Variants in KCNH7 observed in about 807,000 individuals in gnomAD.
KCNH7 encodes the protein potassium voltage-gated channel subfamily H member 7.
A neutral mutation model predicts 120.8 loss-of-function variants in KCNH7; 49 were observed. That is an observed-to-expected ratio of 0.41 (90% CI 0.32 to 0.51). The LOEUF (loss-of-function observed/expected upper bound fraction) is 0.51, where lower values mean the gene tolerates loss of function less well. Among genes scored for constraint, KCNH7 ranks in the 20% least tolerant of loss-of-function variants. The pLI is 0.38. For missense variants in KCNH7, 1,097 were observed against 1,446.6 expected, an observed-to-expected ratio of 0.76 and a Z score of 3.92; for synonymous variants, 547 against 516.1, an observed-to-expected ratio of 1.06 and a Z score of -0.81.
chr2:162,577,283 A>ATCTATCTG (rs1239421929), intron 2 of KCNH7, among the ~76,000 whole-genome samples: 40 of 121,504 alleles, frequency 3.3e-4, no homozygotes, highest in African/African-American at 1.2e-3. Flanking sequence ...TAACAGATAG[A>ATCTATCTG]TCTATCTGTC....
At chr2:162,683,648 C>G (rs887797185) in intron 2 of KCNH7, among the ~76,000 whole-genome samples, 19 of 151,826 alleles carry the variant, frequency 1.3e-4, no homozygotes, top group African/African-American at 4.1e-4. Flanking sequence ...TTTATTTAGA[C>G]ATCATGTTTC....
intron 2 of KCNH7, among the ~76,000 whole-genome samples, chr2:162,703,032 C>T (rs770556479): frequency 2.6e-4 from 39 of 151,944 alleles, no homozygotes; most frequent in Non-Finnish European, 5.0e-4. Context: ...TCAGGAAGGC[C>T]GCAAAGACCT....
chr2:162,423,187 T>A, intron 9 of KCNH7, 149 bp downstream of exon 9: 1 of 1,513,656 alleles, frequency 6.6e-7, no homozygotes, highest in Non-Finnish European at 8.9e-7. Flanking sequence ...GAATTGAGAA[T>A]GAGAGACTAT....
At chr2:162,656,026 A>G (rs1200063163) in intron 2 of KCNH7, among the ~76,000 whole-genome samples, 2 of 152,210 alleles carry the variant, frequency 1.3e-5, no homozygotes, top group African/African-American at 2.4e-5. Flanking sequence ...TACATCTACA[A>G]TCACTTAAAA....
chr2:162,591,936 T>C lies in KCNH7; in HGVS notation c.308-54856A>G, dbSNP rs537619643. On this transcript the variant is annotated intron_variant, in intron 2 of 15. Transcript: ENST00000332142. ...CAGGCAGCTTGTTATATATGTCCAGTTAGTAACTTTCTGAGAAAAATTTTT... is the reference window on the plus strand; with the variant it reads ...CAGGCAGCTTGTTATATATGTCCAGCTAGTAACTTTCTGAGAAAAATTTTT... Among the ~76,000 whole-genome samples the C allele has an allele frequency of 2.0e-5, 3 of 152,194 alleles. No homozygotes were observed. The East Asian group carries it at 5.8e-4, about 30-fold the overall frequency.
intron 2 of KCNH7, among the ~76,000 whole-genome samples, chr2:162,596,311 A>G (rs1678220870): frequency 6.6e-6 from 1 of 152,062 alleles, no homozygotes; most frequent in South Asian, 2.1e-4. Flanking sequence ...ACATATTACC[A>G]AGTTATAGCA....
intron 2 of KCNH7, among the ~76,000 whole-genome samples, chr2:162,680,568 G>T (rs1368879068): frequency 6.6e-6 from 1 of 151,626 alleles, no homozygotes; most frequent in Non-Finnish European, 1.5e-5. Context: ...AGTAACTAGG[G>T]GTTACAGCAG....
intron 6 of KCNH7, among the ~76,000 whole-genome samples, chr2:162,457,313 ATTTTC>A (rs775490791): frequency 6.6e-6 from 1 of 152,050 alleles, no homozygotes; most frequent in Non-Finnish European, 1.5e-5. Context: ...TATTACGAGG[ATTTTC>A]TTTTAAGAGA....
intron 13 of KCNH7, among the ~76,000 whole-genome samples, chr2:162,383,696 G>A (rs1686491795): frequency 6.6e-6 from 1 of 151,676 alleles, no homozygotes; most frequent in African/African-American, 2.4e-5. Context: ...GCTTTATTAT[G>A]CCTTCCTAAT....
intron 2 of KCNH7, among the ~76,000 whole-genome samples, chr2:162,747,482 T>G (rs1262867144): frequency 1.3e-5 from 2 of 152,180 alleles, no homozygotes; most frequent in Non-Finnish European, 2.9e-5. Context: ...TATTGCTTCT[T>G]GTTGATGTGT....
intron 2 of KCNH7, among the ~76,000 whole-genome samples, chr2:162,729,710 TG>T (rs1156805262): frequency 1.3e-5 from 2 of 152,174 alleles, no homozygotes; most frequent in African/African-American, 4.8e-5. Flanking sequence ...ATTTTCATTT[TG>T]GGGGGAAGTA....
At chr2:162,776,452 A>C (rs1217902983) in intron 2 of KCNH7, among the ~76,000 whole-genome samples, 2 of 152,158 alleles carry the variant, frequency 1.3e-5, no homozygotes, top group South Asian at 2.1e-4. Flanking sequence ...ATTTTGGGCC[A>C]AATATAAGTC....
chr2:162,505,561 T>G (rs1690844686), intron 5 of KCNH7, among the ~76,000 whole-genome samples: 1 of 151,938 alleles, frequency 6.6e-6, no homozygotes, highest in Non-Finnish European at 1.5e-5. Flanking sequence ...ACCAGCTGTA[T>G]CTTCCTTTGG....
intron 6 of KCNH7, among the ~76,000 whole-genome samples, chr2:162,495,913 C>T (rs1043025623): frequency 3.2e-4 from 49 of 152,140 alleles, no homozygotes; most frequent in African/African-American, 1.2e-3. Flanking sequence ...CAAATCTTAG[C>T]AGGGATAACT....
intron 2 of KCNH7, among the ~76,000 whole-genome samples, chr2:162,729,795 C>T (rs1049642979): frequency 3.9e-5 from 6 of 152,010 alleles, no homozygotes; most frequent in Non-Finnish European, 7.4e-5. Flanking sequence ...TGAGAAAATA[C>T]TGTTTTATTG....
intron 2 of KCNH7, among the ~76,000 whole-genome samples, chr2:162,659,792 T>C (rs1684897014): frequency 6.6e-6 from 1 of 152,210 alleles, no homozygotes; most frequent in Non-Finnish European, 1.5e-5. Context: ...AGGGTAATGA[T>C]GGCTTCATAG....
intron 8 of KCNH7, among the ~76,000 whole-genome samples, chr2:162,428,760 T>C (rs1386574928): frequency 6.6e-6 from 1 of 151,890 alleles, no homozygotes; most frequent in African/African-American, 2.4e-5. Flanking sequence ...TATTTGTCTA[T>C]TTTATCTTTG....
At chr2:162,477,096 C>T (rs1034137848) in intron 6 of KCNH7, among the ~76,000 whole-genome samples, 4 of 152,076 alleles carry the variant, frequency 2.6e-5, no homozygotes, top group Admixed American at 6.5e-5. Context: ...ATTTCCTAAC[C>T]GCAGTAAGAA....
chr2:162,788,867 T>G (rs1265517376), intron 2 of KCNH7, among the ~76,000 whole-genome samples: 1 of 150,984 alleles, frequency 6.6e-6, no homozygotes, highest in Non-Finnish European at 1.5e-5. Flanking sequence ...CAGAGGATTA[T>G]AAATTAGCAA....
Sources: allele counts gnomAD v4.1 joint callset (sites outside exome capture counted in the v4.1 genomes callset), GRCh38; gene constraint gnomAD v4.1.1; transcripts MANE v1.5; gene names NCBI Gene and HGNC (gene_info 2026-07-23, HGNC 2026-07-21).